Variants in OPHN1 observed in about 807,000 individuals in gnomAD.
OPHN1 encodes oligophrenin-1.
A neutral mutation model predicts 60.7 loss-of-function variants in OPHN1; 11 were observed. The ratio of observed to expected loss-of-function variants is 0.18; its 90% CI spans 0.11 to 0.30. OPHN1 has a LOEUF of 0.30. Among genes scored for constraint, OPHN1 ranks in the 10% least tolerant of loss-of-function variants. OPHN1 has a pLI of 1.00. For synonymous variants in OPHN1, 226 were observed against 222.6 expected (o/e 1.02, Z -0.14); for missense variants, 449 against 611.0 (o/e 0.73, Z 2.80).
intron 18 of OPHN1, 80 bp from the exon 19 acceptor site, chrX:68,097,109 A>G (rs2077041150): frequency 2.1e-6 from 2 of 966,717 alleles, no homozygotes; most frequent in African/African-American, 3.9e-5. Context: ...GGTGCTGTAG[A>G]GGGTAAGAGA....
intron 3 of OPHN1, among the ~76,000 whole-genome samples, chrX:68,284,090 T>C (rs1390349417): frequency 1.8e-5 from 2 of 111,777 alleles, no homozygotes; most frequent in South Asian, 3.8e-4. Context: ...CCAAATACTT[T>C]ATGCTAAGAA....
At chrX:68,048,386 A>T in intron 24 of OPHN1, 30 bp downstream of exon 24, 1 of 1,188,185 alleles carries the variant, frequency 8.4e-7, no homozygotes, top group Admixed American at 2.2e-5. Flanking sequence ...GTGGAACAAG[A>T]TTTTGTAATC....
chrX:68,262,405 G>T (rs770184656), intron 5 of OPHN1, among the ~76,000 whole-genome samples: 2 of 111,839 alleles, frequency 1.8e-5, no homozygotes, highest in African/African-American at 6.5e-5. Context: ...GGAAAAGTTA[G>T]CATTAATTAT....
intron 5 of OPHN1, among the ~76,000 whole-genome samples, chrX:68,256,222 C>T (rs184112604): frequency 5.9e-4 from 66 of 111,110 alleles, no homozygotes; most frequent in Non-Finnish European, 1.1e-3. Flanking sequence ...TTCTCCTTGG[C>T]GGGCACTATC....
intron 2 of OPHN1, among the ~76,000 whole-genome samples, chrX:68,308,230 A>G (rs983331767): frequency 8.9e-6 from 1 of 112,272 alleles, no homozygotes; most frequent in African/African-American, 3.2e-5. Flanking sequence ...AAGAAACATA[A>G]TATCATATAC....
chrX:68,284,423 T>C (rs188302454), intron 3 of OPHN1, among the ~76,000 whole-genome samples: 1,274 of 110,623 alleles, frequency 0.012, 14 homozygotes, highest in Non-Finnish European at 0.018. Context: ...GGAAGCTTCC[T>C]GAGGTGCTCA....
At chrX:68,124,886 G>A (rs772285937) in intron 15 of OPHN1, among the ~76,000 whole-genome samples, 45 of 111,195 alleles carry the variant, frequency 4.0e-4, no homozygotes, top group South Asian at 2.7e-3. Context: ...GGACTCAAGC[G>A]ATCTGCCCAC....
intron 2 of OPHN1, among the ~76,000 whole-genome samples, chrX:68,320,221 C>T (rs1000682843): frequency 3.6e-5 from 4 of 110,474 alleles, no homozygotes; most frequent in Admixed American, 9.7e-5. Context: ...TGGTGTTGGG[C>T]GCCTGTAATC....
intron 2 of OPHN1, among the ~76,000 whole-genome samples, chrX:68,393,114 C>T (rs1358960055): frequency 8.9e-6 from 1 of 111,999 alleles, no homozygotes; most frequent in East Asian, 2.8e-4. Flanking sequence ...CACCTGTTCA[C>T]CTGCATGCTC....
intron 19 of OPHN1, among the ~76,000 whole-genome samples, chrX:68,078,781 T>A (rs1014326220): frequency 1.9e-4 from 20 of 107,583 alleles, no homozygotes; most frequent in Non-Finnish European, 2.7e-4. Flanking sequence ...AGGCCAGGAG[T>A]TCAAGACAAG....
At chrX:68,332,134 C>G (rs2078298484) in intron 2 of OPHN1, among the ~76,000 whole-genome samples, 1 of 111,999 alleles carries the variant, frequency 8.9e-6, no homozygotes, top group South Asian at 3.7e-4. Flanking sequence ...TACACAGTGT[C>G]TATTTTATGA....
chrX:68,054,369 C>T (rs1014892318), intron 21 of OPHN1, among the ~76,000 whole-genome samples: 1 of 110,670 alleles, frequency 9.0e-6, no homozygotes, highest in African/African-American at 3.3e-5. Context: ...TCTAGTAGGA[C>T]TATAGTGAAA....
chrX:68,116,645 T>G (rs2077128427), intron 16 of OPHN1, among the ~76,000 whole-genome samples: 1 of 111,844 alleles, frequency 8.9e-6, no homozygotes, highest in African/African-American at 3.2e-5. Flanking sequence ...TGTATTCAAT[T>G]GCCTGCTTAA....
Position 68,053,788 on chromosome X carries a change from T to C in OPHN1, c.2181A>G (p.Lys727=). The change falls in exon 22 of 25, where the codon AAA becomes AAG. Residue 727 remains lysine, a synonymous_variant. Transcript: ENST00000355520. The part of the protein sequence containing the change: ...HKEGDADSFS[K]VRPPGEKPTI... ...TTGGCTTTTCTCCTGGAGGCCGCAC[T>C]TTGCTGAAACTGTCAGCATCCCCTG... is the stretch of plus-strand genomic sequence containing the variant. 1 of 1,210,115 alleles carries C rather than the reference T, an allele frequency of 8.3e-7. No homozygotes were observed. The highest frequency in any genetic ancestry group is 1.1e-6 in the Non-Finnish European group (1 of 895,135).
At chrX:68,400,269 T>G (rs898703447) in intron 2 of OPHN1, among the ~76,000 whole-genome samples, 13 of 111,875 alleles carry the variant, frequency 1.2e-4, no homozygotes, top group African/African-American at 4.2e-4. Flanking sequence ...TCATTCTTTC[T>G]TTGCTTTGCA....
intron 5 of OPHN1, among the ~76,000 whole-genome samples, chrX:68,236,916 C>G (rs1304552655): frequency 3.6e-5 from 4 of 112,252 alleles, no homozygotes; most frequent in African/African-American, 1.3e-4. Context: ...ACTCTTTATT[C>G]TATTGATCTA....
intron 4 of OPHN1, 44 bp from the exon 5 acceptor site, chrX:68,274,853 A>G (rs1470895987): frequency 2.0e-6 from 2 of 984,161 alleles, no homozygotes; most frequent in African/African-American, 3.8e-5. Flanking sequence ...CTAGGTTAAC[A>G]AGGTTCAGAT....
At chrX:68,317,359 GAAAGAAAGAAAGA>G (rs1569278046) in intron 2 of OPHN1, among the ~76,000 whole-genome samples, 3 of 64,480 alleles carry the variant, frequency 4.7e-5, no homozygotes, top group African/African-American at 2.1e-4. Flanking sequence ...AAGAAAGAAA[GAAAGAAAGAAAGA>G]AAGAAAGGAA....
intron 5 of OPHN1, among the ~76,000 whole-genome samples, chrX:68,254,229 C>T (rs974995641): frequency 1.8e-5 from 2 of 111,409 alleles, no homozygotes; most frequent in African/African-American, 6.5e-5. Flanking sequence ...TTATTCCTTG[C>T]TCTGCCACTA....
Sources: allele counts gnomAD v4.1 joint callset (sites outside exome capture counted in the v4.1 genomes callset), GRCh38; gene constraint gnomAD v4.1.1; transcripts MANE v1.5; gene names NCBI Gene and HGNC (gene_info 2026-07-23, HGNC 2026-07-21).